The following PTPRC variants were observed in gnomAD, a reference collection of about 807,000 sequenced individuals.
PTPRC encodes the protein receptor-type tyrosine-protein phosphatase C.
A neutral mutation model predicts 155.9 loss-of-function variants in PTPRC; 44 were observed. The ratio of observed to expected loss-of-function variants is 0.28; its 90% CI spans 0.22 to 0.36. PTPRC has a LOEUF of 0.36. Among genes scored for constraint, PTPRC ranks in the 10% least tolerant of loss-of-function variants. The pLI is 1.00. For missense variants in PTPRC, 1,401 were observed against 1,564.6 expected, an observed-to-expected ratio of 0.90 and a Z score of 1.76; for synonymous variants, 525 against 533.1, an observed-to-expected ratio of 0.98 and a Z score of 0.21.
intron 2 of PTPRC, among the ~76,000 whole-genome samples, chr1:198,686,639 A>G (rs1451138323): frequency 6.6e-6 from 1 of 152,074 alleles, no homozygotes; most frequent in East Asian, 1.9e-4. Context: ...TGCTTTACCT[A>G]TTTTCCACAC....
intron 20 of PTPRC, among the ~76,000 whole-genome samples, chr1:198,733,943 A>T (rs1654510749): frequency 6.6e-6 from 1 of 151,838 alleles, no homozygotes; most frequent in African/African-American, 2.4e-5. Flanking sequence ...GAAACCTAGT[A>T]TTAAAATTGT....
intron 5 of PTPRC, chr1:198,700,064 A>G (rs1666392082): frequency 3.0e-6 from 1 of 334,634 alleles, no homozygotes; most frequent in African/African-American, 2.1e-5. Flanking sequence ...ACCAACAAAC[A>G]AAAGGGTGAA....
At chr1:198,724,851 G>A (rs934849851) in intron 15 of PTPRC, among the ~76,000 whole-genome samples, 20 of 152,166 alleles carry the variant, frequency 1.3e-4, no homozygotes, top group Middle Eastern at 6.8e-3. Flanking sequence ...GCCCAGGCTG[G>A]AGTGCAGTGG....
At chr1:198,700,815 C>T (rs913966528) in intron 5 of PTPRC, among the ~76,000 whole-genome samples, 2 of 152,044 alleles carry the variant, frequency 1.3e-5, no homozygotes, top group Non-Finnish European at 2.9e-5. Flanking sequence ...TTGTAAATGC[C>T]GTCCATAACC....
chr1:198,680,767 CAGAT>C (rs1271206778), intron 2 of PTPRC, among the ~76,000 whole-genome samples: 1 of 152,014 alleles, frequency 6.6e-6, no homozygotes, highest in Non-Finnish European at 1.5e-5. Flanking sequence ...CCACAGACCA[CAGAT>C]AGGAGGAATT....
rs73087365 is a variant in PTPRC, at chr1:198,742,949, A to G, written c.2697+582A>G. 8.1e-3 allele frequency among the ~76,000 whole-genome samples: 1,235 copies of G among 151,694 alleles called. 19 individuals are homozygous for G. The highest frequency in any genetic ancestry group is 0.028 in the African/African-American group (1,180 of 41,454). On this transcript the variant is annotated intron_variant, in intron 25 of 32. Coordinates refer to ENST00000442510, the MANE Select transcript of PTPRC (RefSeq NM_002838.5). Reference sequence around the variant, plus strand: ...GCATTTGGTGATTGTAAGTGATGGTAATTACTGAAAATGTCTGTATTTGAC... The same window carrying G: ...GCATTTGGTGATTGTAAGTGATGGTGATTACTGAAAATGTCTGTATTTGAC...
At chr1:198,754,169 A>C in intron 31 of PTPRC, 100 bp from the exon 32 acceptor site, 1 of 1,388,702 alleles carries the variant, frequency 7.2e-7, no homozygotes, top group Non-Finnish European at 1.0e-6. Flanking sequence ...TATGATAAAC[A>C]TGAAGCAAAA....
At chr1:198,646,554 A>G (rs1269265078) in intron 2 of PTPRC, among the ~76,000 whole-genome samples, 1 of 151,848 alleles carries the variant, frequency 6.6e-6, no homozygotes, top group Non-Finnish European at 1.5e-5. Flanking sequence ...TAAATCGGGC[A>G]ATATTAACCA....
intron 2 of PTPRC, among the ~76,000 whole-genome samples, chr1:198,664,472 A>G (rs1320650781): frequency 6.6e-6 from 1 of 152,182 alleles, no homozygotes; most frequent in Non-Finnish European, 1.5e-5. Flanking sequence ...ATTGTGCCCC[A>G]GTGCAGACAC....
At chr1:198,659,723 A>G (rs1242359936) in intron 2 of PTPRC, among the ~76,000 whole-genome samples, 7 of 151,694 alleles carry the variant, frequency 4.6e-5, no homozygotes, top group African/African-American at 1.5e-4. Context: ...TAGTAGAGAC[A>G]GGGATTTTCT....
intron 12 of PTPRC, among the ~76,000 whole-genome samples, chr1:198,713,298 A>G (rs1653405198): frequency 6.6e-6 from 1 of 152,202 alleles, no homozygotes; most frequent in Admixed American, 6.5e-5. Context: ...TCTTGGTCTT[A>G]GTTTAAATCT....
intron 18 of PTPRC, among the ~76,000 whole-genome samples, 172 bp from the exon 19 acceptor site, chr1:198,732,128 T>A (rs1654416092): frequency 6.8e-6 from 1 of 147,646 alleles, no homozygotes; most frequent in Non-Finnish European, 1.5e-5. Context: ...AGAAAAAAGT[T>A]TTTTTTTTAA....
chr1:198,659,800 CCAAA>C (rs1340069904), intron 2 of PTPRC, among the ~76,000 whole-genome samples: 1 of 151,600 alleles, frequency 6.6e-6, no homozygotes, highest in South Asian at 2.1e-4. Flanking sequence ...CCTTGGCCTC[CCAAA>C]GTATTGGGAT....
At chr1:198,701,546 A>G (rs887038936) in intron 5 of PTPRC, among the ~76,000 whole-genome samples, 1 of 152,166 alleles carries the variant, frequency 6.6e-6, no homozygotes, top group African/African-American at 2.4e-5. Flanking sequence ...ATATACATTG[A>G]TTGCCTGTGC....
chr1:198,754,198 C>T, intron 31 of PTPRC, 71 bp from the exon 32 acceptor site: 2 of 1,481,732 alleles, frequency 1.3e-6, no homozygotes, highest in East Asian at 2.3e-5. Flanking sequence ...CTCTCTCTTC[C>T]TGTTTTTATT....
In PTPRC at chr1:198,694,899, G is replaced by A. The variant is rs538558098; in HGVS notation, c.101-1813G>A. 4.1e-6 allele frequency: 4 copies of A among 968,752 alleles called. No individual in the cohort carries two copies. In the South Asian group the frequency reaches 1.4e-4, roughly 35 times the overall value. The allele number at this position is 968,752 out of a possible 1,614,324, so 60.0% of individuals were successfully genotyped here. A position where few individuals can be genotyped will look rare whatever the true frequency, so the allele number is the denominator to read the frequency against. On this transcript the variant is annotated intron_variant, in intron 3 of 32. Coordinates refer to ENST00000442510, the MANE Select transcript of PTPRC (RefSeq NM_002838.5). ...TAGAGGTAGTTACTATCCTATTACTGTACTTAGTTGGCTATGCTGGCATGT... is the reference window on the plus strand; with the variant it reads ...TAGAGGTAGTTACTATCCTATTACTATACTTAGTTGGCTATGCTGGCATGT...
In PTPRC at chr1:198,757,262, A is replaced by C. The variant is rs1396849926; in HGVS notation, c.*1081A>C. 6.6e-6 allele frequency: 1 copy of C among 151,776 alleles called. No individual in the cohort carries two copies. The highest frequency in any genetic ancestry group is 6.6e-5 in the Admixed American group (1 of 15,220). The allele number at this position is 151,776 out of a possible 1,614,324, so 9.4% of individuals were successfully genotyped here. A position where few individuals can be genotyped will look rare whatever the true frequency, so the allele number is the denominator to read the frequency against. On this transcript the variant is annotated 3_prime_UTR_variant, in exon 33 of 33. Coordinates refer to ENST00000442510, the MANE Select transcript of PTPRC (RefSeq NM_002838.5). ...TCGCTAATCATAATAAAATTCAACC[A>C]TTATTTTTTTCTTGTTTATAATACA... is the stretch of plus-strand genomic sequence containing the variant.
Position 198,723,112 on chromosome 1 carries a change from C to CATATAT in PTPRC, c.1720+652_1720+657dup, listed in dbSNP as rs3033891. 2.5e-3 allele frequency among the ~76,000 whole-genome samples: 354 copies of CATATAT among 144,100 alleles called. 3 individuals carry two copies. Among genetic ancestry groups the CATATAT allele is most frequent in the South Asian group, 4.4e-3 (20 of 4,560 alleles). The allele number at this position is 144,100 out of a possible 152,430, so 94.5% of individuals were successfully genotyped here. A position where few individuals can be genotyped will look rare whatever the true frequency, so the allele number is the denominator to read the frequency against. On this transcript the variant is annotated intron_variant, in intron 15 of 32. Transcript: ENST00000442510. Reference sequence around the variant, plus strand: ...TTTTGGGTCTCCTTATAGTTTCCTTCATATATATATATATATATATAAACA... The same window carrying CATATAT: ...TTTTGGGTCTCCTTATAGTTTCCTTCATATATATATATATATATATATATATAAACA...
intron 2 of PTPRC, among the ~76,000 whole-genome samples, chr1:198,647,305 G>A (rs1427631936): frequency 6.6e-6 from 1 of 151,800 alleles, no homozygotes; most frequent in Non-Finnish European, 1.5e-5. Context: ...GCTCATGTAG[G>A]CTATCACTGG....
Sources: allele counts gnomAD v4.1 joint callset (sites outside exome capture counted in the v4.1 genomes callset), GRCh38; gene constraint gnomAD v4.1.1; transcripts MANE v1.5; gene names NCBI Gene and HGNC (gene_info 2026-07-23, HGNC 2026-07-21).